The following CACNB2 variants were observed in gnomAD, a reference collection of about 807,000 sequenced individuals.
CACNB2 encodes the protein calcium voltage-gated channel auxiliary subunit beta 2, also known as voltage-dependent L-type calcium channel subunit beta-2.
A neutral mutation model predicts 73.3 loss-of-function variants in CACNB2; 42 were observed. That is an observed-to-expected ratio of 0.57 (90% CI 0.45 to 0.74). CACNB2 has a LOEUF of 0.74. CACNB2 is among the 30% of genes least tolerant of loss of function. CACNB2 has a pLI of 0.00. For synonymous variants in CACNB2, 348 were observed against 310.3 expected (o/e 1.12, Z -1.28); for missense variants, 940 against 853.0 (o/e 1.10, Z -1.27).
intron 3 of CACNB2, among the ~76,000 whole-genome samples, chr10:18,470,267 A>G (rs2048111509): frequency 6.6e-6 from 1 of 150,688 alleles, no homozygotes; most frequent in Admixed American, 6.6e-5. Flanking sequence ...CTGGAGGATC[A>G]CCTGAGGTCT....
intron 3 of CACNB2, among the ~76,000 whole-genome samples, chr10:18,491,819 TAAAAAAAAAAAAAAA>T (rs68179779): frequency 5.0e-4 from 33 of 65,598 alleles, no homozygotes; most frequent in East Asian, 2.5e-3. Flanking sequence ...TCAAGTTGGT[TAAAAAAAAAAAAAAA>T]AAAAAAAAAA....
intron 2 of CACNB2, among the ~76,000 whole-genome samples, chr10:18,395,271 C>T (rs1050106459): frequency 6.6e-6 from 1 of 152,176 alleles, no homozygotes; most frequent in Non-Finnish European, 1.5e-5. Flanking sequence ...CCAGACATCC[C>T]TCTTCTCAAT....
intron 2 of CACNB2, among the ~76,000 whole-genome samples, chr10:18,340,498 A>G (rs2041186555): frequency 6.6e-6 from 1 of 152,182 alleles, no homozygotes; most frequent in Non-Finnish European, 1.5e-5. Flanking sequence ...CAGTTATGCA[A>G]CCTGTTGTTC....
At chr10:18,277,879 A>G (rs2038368611) in intron 2 of CACNB2, among the ~76,000 whole-genome samples, 1 of 152,158 alleles carries the variant, frequency 6.6e-6, no homozygotes, top group African/African-American at 2.4e-5. Context: ...TCAATCTGTT[A>G]TCCTCACTTA....
intron 2 of CACNB2, among the ~76,000 whole-genome samples, chr10:18,310,787 T>A (rs567241223): frequency 6.6e-6 from 1 of 151,826 alleles, no homozygotes; most frequent in African/African-American, 2.4e-5. Flanking sequence ...TTCACCACAT[T>A]GGCCAGGGTG....
Position 18,424,656 on chromosome 10 carries a change from C to T in CACNB2, c.333+22613C>T, listed in dbSNP as rs78843702. Among the ~76,000 whole-genome samples the T allele has an allele frequency of 3.5e-3, 532 of 152,186 alleles. 1 individual carries two copies. Among genetic ancestry groups the T allele is most frequent in the African/African-American group, 0.012 (517 of 41,522 alleles). On this transcript the variant is annotated intron_variant, in intron 3 of 13. Coordinates refer to ENST00000324631, the MANE Select transcript of CACNB2 (RefSeq NM_201596.3). ...TCCTGTTCATTACATTATGTCTTAC[C>T]ATCTATATTTATTTTCTACATGACA...
chr10:18,368,190 T>C (rs2042433593), intron 2 of CACNB2, among the ~76,000 whole-genome samples: 2 of 152,178 alleles, frequency 1.3e-5, no homozygotes, highest in African/African-American at 4.8e-5. Context: ...TAGCTATAAT[T>C]CCATTCTGAG....
intron 2 of CACNB2, among the ~76,000 whole-genome samples, chr10:18,220,241 A>AGAGGGGGGG (rs1564354058): frequency 6.1e-5 from 5 of 81,802 alleles, no homozygotes; most frequent in African/African-American, 3.6e-4. Flanking sequence ...ATAGAGAGAG[A>AGAGGGGGGG]GAGAGAGAGA....
At chr10:18,167,450 A>G (rs2032931828) in intron 2 of CACNB2, among the ~76,000 whole-genome samples, 1 of 152,148 alleles carries the variant, frequency 6.6e-6, no homozygotes, top group Non-Finnish European at 1.5e-5. Flanking sequence ...CCCTGAGTCT[A>G]AAATAAGATA....
chr10:18,523,190 A>G (rs888186193), intron 9 of CACNB2, among the ~76,000 whole-genome samples: 1 of 152,072 alleles, frequency 6.6e-6, no homozygotes, highest in African/African-American at 2.4e-5. Context: ...TCTGTCATTT[A>G]TCACAATTTG....
chr10:18,535,817 G>A (rs1339004176), intron 11 of CACNB2, among the ~76,000 whole-genome samples: 1 of 151,932 alleles, frequency 6.6e-6, no homozygotes, highest in Non-Finnish European at 1.5e-5. Context: ...GATTTATTGT[G>A]AATTTTTAAA....
intron 3 of CACNB2, among the ~76,000 whole-genome samples, chr10:18,450,175 A>G (rs1275685230): frequency 2.6e-5 from 4 of 152,230 alleles, no homozygotes; most frequent in South Asian, 2.1e-4. Context: ...AACGGTAGGT[A>G]AAATGCCTGT....
At chr10:18,387,383 C>G (rs933619034) in intron 2 of CACNB2, among the ~76,000 whole-genome samples, 1 of 152,102 alleles carries the variant, frequency 6.6e-6, no homozygotes, top group African/African-American at 2.4e-5. Context: ...ATGTGTCTCC[C>G]TCACTCGACT....
chr10:18,345,941 G>A (rs1346959572), intron 2 of CACNB2, among the ~76,000 whole-genome samples: 2 of 152,328 alleles, frequency 1.3e-5, no homozygotes, highest in African/African-American at 4.8e-5. Context: ...AGTATGAAAA[G>A]TGCATTCTGT....
At chr10:18,155,287 T>C (rs1387340310) in intron 2 of CACNB2, among the ~76,000 whole-genome samples, 1 of 152,252 alleles carries the variant, frequency 6.6e-6, no homozygotes, top group Non-Finnish European at 1.5e-5. Context: ...TGCAGTTTTA[T>C]GTAAATGGAA....
intron 3 of CACNB2, among the ~76,000 whole-genome samples, chr10:18,485,558 C>CTTTTTTTT (rs34707498): frequency 7.7e-6 from 1 of 129,276 alleles, no homozygotes. Context: ...CTCTCTCTCT[C>CTTTTTTTT]TTTTTTTTTT....
At chr10:18,261,206 C>T in intron 2 of CACNB2, 4 of 1,549,836 alleles carry the variant, frequency 2.6e-6, no homozygotes, top group East Asian at 4.9e-5. Context: ...GAGGCTGTGA[C>T]GAGAAGACAA....
intron 3 of CACNB2, among the ~76,000 whole-genome samples, chr10:18,433,044 T>G (rs1398764897): frequency 1.4e-5 from 2 of 147,362 alleles, no homozygotes; most frequent in African/African-American, 2.5e-5. Flanking sequence ...GTGTTTACAT[T>G]TTTTTTTACC....
chr10:18,442,375 C>T (rs1375200022), intron 3 of CACNB2, among the ~76,000 whole-genome samples: 1 of 151,886 alleles, frequency 6.6e-6, no homozygotes, highest in Non-Finnish European at 1.5e-5. Flanking sequence ...GTCTTAAACC[C>T]CTGACCTCAG....
Sources: gnomAD v4.1 joint callset for allele counts (sites outside exome capture counted in the v4.1 genomes callset) on GRCh38, gnomAD v4.1.1 for gene constraint, MANE v1.5 for transcripts, NCBI Gene and HGNC (gene_info 2026-07-23, HGNC 2026-07-21) for gene names.